ODAD1: variants seen among roughly 807,000 people sequenced by gnomAD.
ODAD1 encodes the protein outer dynein arm-docking complex subunit 1.
A neutral mutation model predicts 67.2 loss-of-function variants in ODAD1; 49 were observed. The ratio of observed to expected loss-of-function variants is 0.73; its 90% CI spans 0.58 to 0.92. ODAD1 has a LOEUF of 0.92. ODAD1 is among the 40% of genes least tolerant of loss of function. The probability of loss-of-function intolerance (pLI) is 0.00; values close to 1 mark genes in which losing one functional copy is unlikely to be tolerated. For missense variants in ODAD1, 897 were observed against 953.7 expected, an observed-to-expected ratio of 0.94 and a Z score of 0.78; for synonymous variants, 345 against 393.7, an observed-to-expected ratio of 0.88 and a Z score of 1.46.
At chr19:48,300,853 A>C (rs1968445476) in intron 12 of ODAD1, 1 of 152,230 alleles carries the variant, frequency 6.6e-6, no homozygotes. Flanking sequence ...ACGGCCAGGC[A>C]CGGGGGCTCA....
chr19:48,303,682 T>C lies in ODAD1; in HGVS notation c.956A>G (p.Asp319Gly), dbSNP rs758135332. Residue 319 changes from aspartate (D) to glycine (G), a missense_variant, in exon 10 of 16, where the codon GAC becomes GGC. Asp to Gly is a moderately conservative substitution (Grantham distance 94). Coordinates refer to ENST00000674294, the MANE Select transcript of ODAD1 (RefSeq NM_001364171.2). ...NKLSQLMGES[D>G]PDLLVQKYLE... ...ATACTTCTGCACCAACAGGTCAGGG[T>C]CACTCTCCCCCATCAGCTGGGACAG... 6 of 1,613,874 alleles carry C rather than the reference T, an allele frequency of 3.7e-6. No individual in the cohort carries two copies. In the Admixed American group the frequency reaches 1.0e-4, roughly 27 times the overall value.
chr19:48,297,544 GAC>G, intron 15 of ODAD1, 26 bp from the exon 16 acceptor site: 2 of 1,596,582 alleles, frequency 1.3e-6, no homozygotes, highest in Non-Finnish European at 1.7e-6. Context: ...ACTGGGCCCC[GAC>G]ACACACTGAG....
chr19:48,303,234 C>T lies in ODAD1; in HGVS notation c.989-139G>A, dbSNP rs112558606. On this transcript the variant is annotated intron_variant, in intron 10 of 15. Coordinates refer to ENST00000674294, the MANE Select transcript of ODAD1 (RefSeq NM_001364171.2). ...CCACACAGAAACCAAGGCAGAGAGA[C>T]GAACAGAGAGGAGTCACAGAGACAA... 4,539 of 704,398 alleles carry T rather than the reference C, an allele frequency of 6.4e-3. 24 individuals are homozygous for T. The highest frequency in any genetic ancestry group is 9.6e-3 in the Non-Finnish European group (3,798 of 394,588). 43.6% of individuals were successfully genotyped at this position (704,398 alleles called of 1,614,324 possible). A position where few individuals can be genotyped will look rare whatever the true frequency, so the allele number is the denominator to read the frequency against.
Position 48,312,067 on chromosome 19 carries a change from G to C in ODAD1, c.410C>G (p.Ser137Cys). ...CTTCTGATCCAGGATGAATCCCGGG[G>C]ACCTGACATTCTTACTGTGGGTAAA... ...RIFTHSKNVR[S>C]PGFILDQKVK... The change falls in exon 6 of 16, where the codon TCC becomes TGC. Residue 137 changes from serine (S) to cysteine (C), a missense_variant. Transcript: ENST00000674294. The C allele has an allele frequency of 6.5e-7, 1 of 1,549,424 alleles. No homozygotes were observed. The highest frequency in any genetic ancestry group is 8.7e-7 in the Non-Finnish European group (1 of 1,144,638).
chr19:48,309,699 T>C (rs1259113322), intron 7 of ODAD1, among the ~76,000 whole-genome samples: 3 of 152,118 alleles, frequency 2.0e-5, no homozygotes, highest in Admixed American at 2.0e-4. Context: ...AACAAAATGA[T>C]TGAGTGAAGG....
intron 5 of ODAD1, among the ~76,000 whole-genome samples, chr19:48,314,005 G>A (rs1968836430): frequency 6.6e-6 from 1 of 152,222 alleles, no homozygotes. Flanking sequence ...CACTTTCGGA[G>A]GCTGAGATGG....
At position 48,306,850 on chromosome 19, in the gene ODAD1, C is replaced by G. The variant is rs572181330; in HGVS notation, c.598-527G>C. ...TCACCTGAGCTTGGGAGTTCGAGAC[C>G]AGCCTGGCCAACATAGAGAAACTCC... On this transcript the variant is annotated intron_variant, in intron 7 of 15. Coordinates refer to ENST00000674294, the MANE Select transcript of ODAD1 (RefSeq NM_001364171.2). 4.6e-5 allele frequency among the ~76,000 whole-genome samples: 7 copies of G among 152,090 alleles called. No homozygotes were observed. The East Asian group carries it at 9.7e-4, about 21-fold the overall frequency.
intron 8 of ODAD1, among the ~76,000 whole-genome samples, chr19:48,304,585 C>T (rs1968558745): frequency 2.0e-5 from 3 of 149,612 alleles, no homozygotes; most frequent in African/African-American, 5.0e-5. Flanking sequence ...CACCACTGCA[C>T]TCCAGCCTGG....
chr19:48,316,286 C>T (rs1219307405), intron 5 of ODAD1, among the ~76,000 whole-genome samples: 1 of 151,660 alleles, frequency 6.6e-6, no homozygotes, highest in Non-Finnish European at 1.5e-5. Context: ...GAGGCTGAGA[C>T]AGGAGAATGT....
chr19:48,317,512 G>A (rs1261294589), intron 5 of ODAD1, among the ~76,000 whole-genome samples: 2 of 152,124 alleles, frequency 1.3e-5, no homozygotes, highest in African/African-American at 4.8e-5. Flanking sequence ...ACAGAGCTCC[G>A]ATGGCAGAGC....
rs2147307089 is a variant in ODAD1 at position 48,297,050 on chromosome 19, C to A, written c.2050G>T (p.Asp684Tyr). Residue 684 changes from aspartate to tyrosine, a missense_variant, in exon 16 of 16, where the codon GAC becomes TAC. Transcript: ENST00000674294. ...DSSGGLGSSRDHVSSTGPASS... is the reference protein window; with the variant it reads ...DSSGGLGSSRYHVSSTGPASS... Reference sequence around the variant, plus strand: ...GCAGGGCCGGTGCTGGAGACGTGGTCTCTGCTGGACCCGAGGCCTCCGCTC... The same window carrying A: ...GCAGGGCCGGTGCTGGAGACGTGGTATCTGCTGGACCCGAGGCCTCCGCTC... The A allele has an allele frequency of 6.2e-7, 1 of 1,613,098 alleles. No homozygotes were observed. Among genetic ancestry groups the A allele is most frequent in the Non-Finnish European group, 8.5e-7 (1 of 1,179,934 alleles).
At chr19:48,318,095 T>G (rs544359263) in intron 5 of ODAD1, among the ~76,000 whole-genome samples, 1 of 151,966 alleles carries the variant, frequency 6.6e-6, no homozygotes, top group Non-Finnish European at 1.5e-5. Flanking sequence ...AAAGAAAAAC[T>G]ATTCTCCTGC....
At chr19:48,298,968 C>T (rs1202096172) in intron 12 of ODAD1, among the ~76,000 whole-genome samples, 2 of 152,300 alleles carry the variant, frequency 1.3e-5, no homozygotes, top group East Asian at 3.9e-4. Flanking sequence ...CTCTCCAGCT[C>T]GCTCCCCACC....
intron 7 of ODAD1, among the ~76,000 whole-genome samples, chr19:48,309,953 G>A (rs10406280): frequency 0.25 from 37,616 of 152,050 alleles, 5,380 homozygotes; most frequent in African/African-American, 0.4. Context: ...CAGATAAACC[G>A]GCCGGGCGTG....
chr19:48,312,188 G>A, intron 5 of ODAD1, 72 bp from the exon 6 acceptor site: 3 of 1,181,758 alleles, frequency 2.5e-6, no homozygotes, highest in Non-Finnish European at 3.6e-6. Context: ...CAGGGAAAAT[G>A]AGTCACTAAG....
intron 12 of ODAD1, among the ~76,000 whole-genome samples, chr19:48,299,746 A>G (rs1968408834): frequency 6.6e-6 from 1 of 152,170 alleles, no homozygotes; most frequent in Admixed American, 6.6e-5. Context: ...GATTGCAGTG[A>G]GCCGAGATCG....
At chr19:48,315,133 T>C (rs556640067) in intron 5 of ODAD1, among the ~76,000 whole-genome samples, 4 of 151,230 alleles carry the variant, frequency 2.6e-5, no homozygotes, top group Non-Finnish European at 5.9e-5. Flanking sequence ...CCGAGTGCAG[T>C]GGCACCATCA....
In ODAD1 at chr19:48,298,003, G is replaced by C. The variant is rs756739541; in HGVS notation, c.1499C>G (p.Thr500Ser). The C allele has an allele frequency of 6.8e-6, 11 of 1,612,076 alleles. No individual in the cohort carries two copies. Among genetic ancestry groups the C allele is most frequent in the Non-Finnish European group, 9.3e-6 (11 of 1,178,918 alleles). ...KKMAPLQPPDTLEDPPGFEAS... is the reference protein window; with the variant it reads ...KKMAPLQPPDSLEDPPGFEAS... Reference sequence around the variant, plus strand: ...TCCCTCCTGCCCTGCGCCTCACAGAGTGTCAGGGGGCTGAAGTGGGGCCAT... The same window carrying C: ...TCCCTCCTGCCCTGCGCCTCACAGACTGTCAGGGGGCTGAAGTGGGGCCAT... Residue 500 changes from threonine (T) to serine (S), a missense_variant, in exon 14 of 16, where the codon ACT becomes AGT. By Grantham distance (58) the Thr-to-Ser change is moderately conservative. Transcript: ENST00000674294.
rs368139078 is a variant in ODAD1, at chr19:48,317,477, G to A, written c.360+910C>T. Among the ~76,000 whole-genome samples, 6 of 152,226 alleles carry A rather than the reference G, an allele frequency of 3.9e-5. 1 individual carries two copies. Among genetic ancestry groups the A allele is most frequent in the African/African-American group, 1.4e-4 (6 of 41,538 alleles). On this transcript the variant is annotated intron_variant, in intron 5 of 15. Transcript: ENST00000674294. ...AGATGAAGAAACTAGGGCCCAGAGAGGGGAAAACCTGCCTGCCCCCGATCA... is the reference window on the plus strand; with the variant it reads ...AGATGAAGAAACTAGGGCCCAGAGAAGGGAAAACCTGCCTGCCCCCGATCA...
Sources: allele counts gnomAD v4.1 joint callset (sites outside exome capture counted in the v4.1 genomes callset), GRCh38; gene constraint gnomAD v4.1.1; transcripts MANE v1.5; gene names NCBI Gene and HGNC (gene_info 2026-07-23, HGNC 2026-07-21).